PKIB: variants seen among roughly 807,000 people sequenced by gnomAD.
The protein encoded by PKIB is cAMP-dependent protein kinase inhibitor beta.
In PKIB, 2 loss-of-function variants were observed where a neutral mutation model predicts 4.5. The observed-to-expected ratio is 0.44, with a 90% CI of 0.18 to 1.39. The LOEUF is 1.39. Among genes scored for constraint, PKIB ranks in the 40% most tolerant of loss-of-function variants. PKIB has a pLI of 0.27. For missense variants in PKIB, 94 were observed against 92.6 expected (o/e 1.02, Z -0.06); for synonymous variants, 38 against 36.0 (o/e 1.06, Z -0.20).
At chr6:122,602,161 A>C (rs1262885712) in intron 3 of PKIB, among the ~76,000 whole-genome samples, 1 of 152,198 alleles carries the variant, frequency 6.6e-6, no homozygotes, top group Non-Finnish European at 1.5e-5. Flanking sequence ...AATTATTCTC[A>C]GACATTATTA....
intron 2 of PKIB, among the ~76,000 whole-genome samples, chr6:122,549,132 T>G (rs951657978): frequency 6.6e-6 from 1 of 152,216 alleles, no homozygotes; most frequent in Non-Finnish European, 1.5e-5. Flanking sequence ...GTGAAGTTCT[T>G]CTGTTCTTAA....
chr6:122,628,056 TGAGACA>T (rs1775532812), intron 1 of PKIB, among the ~76,000 whole-genome samples: 1 of 151,680 alleles, frequency 6.6e-6, no homozygotes, highest in Non-Finnish European at 1.5e-5. Context: ...TTTTTTTTTT[TGAGACA>T]GAGTTTTGCT....
chr6:122,616,790 C>T (rs937464339), intron 1 of PKIB, among the ~76,000 whole-genome samples: 2 of 151,932 alleles, frequency 1.3e-5, no homozygotes, highest in Non-Finnish European at 2.9e-5. Context: ...CTGCCAGACC[C>T]CTAGGGTTGG....
chr6:122,528,598 C>A (rs547795629), intron 2 of PKIB, among the ~76,000 whole-genome samples: 1 of 152,180 alleles, frequency 6.6e-6, no homozygotes, highest in South Asian at 2.1e-4. Context: ...CTTATAAGAA[C>A]GTTAATCTGT....
At chr6:122,507,569 G>A (rs1300091204) in intron 2 of PKIB, among the ~76,000 whole-genome samples, 1 of 151,648 alleles carries the variant, frequency 6.6e-6, no homozygotes, top group Non-Finnish European at 1.5e-5. Context: ...AAGCTGGTGG[G>A]CTCATTTGAT....
chr6:122,561,394 G>A (rs1018925031), intron 2 of PKIB, among the ~76,000 whole-genome samples: 5 of 151,822 alleles, frequency 3.3e-5, no homozygotes, highest in African/African-American at 4.8e-5. Flanking sequence ...TTCCACTGTG[G>A]TCTGAGAGAG....
At chr6:122,682,713 C>G (rs550243592) in intron 3 of PKIB, among the ~76,000 whole-genome samples, 1 of 152,272 alleles carries the variant, frequency 6.6e-6, no homozygotes, top group East Asian at 1.9e-4. Context: ...TCTCTCTGCT[C>G]TCTTCCAAAG....
chr6:122,520,748 C>T (rs1319739979), intron 2 of PKIB, among the ~76,000 whole-genome samples: 1 of 136,930 alleles, frequency 7.3e-6, no homozygotes, highest in South Asian at 2.3e-4. Context: ...TATAACTAAG[C>T]TCAAACACGT....
At chr6:122,473,617 A>G (rs1775370476) in intron 1 of PKIB, among the ~76,000 whole-genome samples, 1 of 152,242 alleles carries the variant, frequency 6.6e-6, no homozygotes, top group Non-Finnish European at 1.5e-5. Flanking sequence ...ATTCGTTAGA[A>G]GAGTCTTCGA....
intron 2 of PKIB, among the ~76,000 whole-genome samples, chr6:122,668,963 C>T (rs1269407378): frequency 6.6e-6 from 1 of 152,068 alleles, no homozygotes; most frequent in Non-Finnish European, 1.5e-5. Flanking sequence ...TCCTGTTATC[C>T]CAAAACTTTA....
At chr6:122,594,209 G>T (rs548308367) in intron 3 of PKIB, among the ~76,000 whole-genome samples, 2 of 149,620 alleles carry the variant, frequency 1.3e-5, no homozygotes, top group South Asian at 4.2e-4. Context: ...ATAAAATTAA[G>T]ACTTTTTTTT....
At chr6:122,657,404 C>T (rs1377456806) in intron 2 of PKIB, among the ~76,000 whole-genome samples, 1 of 152,124 alleles carries the variant, frequency 6.6e-6, no homozygotes, top group East Asian at 1.9e-4. Context: ...TGATCACCTA[C>T]CCCCAAAATG....
intron 2 of PKIB, among the ~76,000 whole-genome samples, chr6:122,491,173 C>G (rs1480617128): frequency 6.6e-6 from 1 of 152,154 alleles, no homozygotes; most frequent in Non-Finnish European, 1.5e-5. Context: ...GGTTTTATAT[C>G]TTGACATACT....
intron 2 of PKIB, among the ~76,000 whole-genome samples, chr6:122,535,601 C>T (rs984051096): frequency 2.0e-5 from 3 of 152,112 alleles, no homozygotes; most frequent in East Asian, 3.9e-4. Flanking sequence ...TCTCTTAGTC[C>T]TGCTTGCACT....
intron 2 of PKIB, among the ~76,000 whole-genome samples, chr6:122,535,106 C>T (rs1383900847): frequency 1.3e-5 from 2 of 152,058 alleles, no homozygotes; most frequent in East Asian, 3.9e-4. Flanking sequence ...TCTCTCTCTT[C>T]TTTACATCTA....
intron 3 of PKIB, among the ~76,000 whole-genome samples, chr6:122,705,626 C>T (rs111679913): frequency 2.2e-4 from 30 of 137,004 alleles, no homozygotes; most frequent in African/African-American, 7.9e-4. Context: ...AGTGTAGTGG[C>T]GCAATTTCGA....
intron 2 of PKIB, chr6:122,482,445 A>G (rs1199923142): frequency 6.6e-6 from 1 of 151,740 alleles, no homozygotes; most frequent in Non-Finnish European, 1.5e-5. Context: ...GTAGCTCAAC[A>G]TGCTTCTCCA....
chr6:122,700,287 T>G (rs1016775844), intron 3 of PKIB, among the ~76,000 whole-genome samples: 3 of 131,282 alleles, frequency 2.3e-5, no homozygotes, highest in Non-Finnish European at 5.0e-5. Context: ...TGGTGGTCAC[T>G]GGACATATTT....
At chr6:122,664,874 C>T (rs1045807577) in intron 2 of PKIB, among the ~76,000 whole-genome samples, 8 of 152,192 alleles carry the variant, frequency 5.3e-5, no homozygotes, top group South Asian at 2.1e-4. Flanking sequence ...GCCTAGTAAA[C>T]GCCCCTTTAG....
Sources: allele counts gnomAD v4.1 joint callset (sites outside exome capture counted in the v4.1 genomes callset), GRCh38; gene constraint gnomAD v4.1.1; transcripts MANE v1.5; gene names NCBI Gene and HGNC (gene_info 2026-07-23, HGNC 2026-07-21).